The following PCDHGB1 variants were observed in gnomAD, a reference collection of about 807,000 sequenced individuals.
PCDHGB1 encodes protocadherin gamma-B1.
PCDHGB1 carries 34 observed loss-of-function variants against 56.6 expected under a neutral mutation model. That is an observed-to-expected ratio of 0.60 (90% CI 0.46 to 0.80). PCDHGB1 has a LOEUF of 0.80. PCDHGB1 is among the 30% of genes least tolerant of loss of function. The probability of loss-of-function intolerance (pLI) is 0.00; values close to 1 mark genes in which losing one functional copy is unlikely to be tolerated. For missense variants in PCDHGB1, 1,278 were observed against 1,204.6 expected (o/e 1.06, Z -0.90); for synonymous variants, 561 against 505.9 (o/e 1.11, Z -1.46).
At chr5:141,363,656 A>C (rs1763020293) in intron 1 of PCDHGB1, among the ~76,000 whole-genome samples, 1 of 152,232 alleles carries the variant, frequency 6.6e-6, no homozygotes, top group African/African-American at 2.4e-5. Context: ...AAAGATCTTT[A>C]TTTCTTCTGC....
intron 1 of PCDHGB1, chr5:141,385,537 T>A (rs1486400401): frequency 1.5e-6 from 2 of 1,341,418 alleles, no homozygotes; most frequent in Non-Finnish European, 1.9e-6. Flanking sequence ...ATTATGAATA[T>A]GTGGACTATC....
chr5:141,408,326 G>A, intron 1 of PCDHGB1: 6 of 1,613,904 alleles, frequency 3.7e-6, no homozygotes, highest in Non-Finnish European at 4.2e-6. Context: ...GGAGGAGCTG[G>A]CCAAGGGCTC....
intron 1 of PCDHGB1, chr5:141,399,759 G>A: frequency 1.2e-6 from 2 of 1,613,348 alleles, no homozygotes; most frequent in Non-Finnish European, 1.7e-6. Flanking sequence ...ACGTGAGCCT[G>A]CGCGTGTTGG....
chr5:141,362,075 G>C (rs533999436), intron 1 of PCDHGB1: 2 of 1,612,964 alleles, frequency 1.2e-6, no homozygotes, highest in African/African-American at 2.7e-5. Flanking sequence ...GTCGCTGTGC[G>C]TGATGGAGGA....
intron 1 of PCDHGB1, chr5:141,393,902 G>C: frequency 6.2e-7 from 1 of 1,613,968 alleles, no homozygotes; most frequent in Non-Finnish European, 8.5e-7. Flanking sequence ...CTCTTCCCGG[G>C]ACAGTAATTG....
At chr5:141,484,054 G>A (rs1192214731) in intron 1 of PCDHGB1, among the ~76,000 whole-genome samples, 4 of 152,044 alleles carry the variant, frequency 2.6e-5, no homozygotes, top group African/African-American at 9.7e-5. Flanking sequence ...AGGTCCCCTG[G>A]GGCTAAGTGA....
chr5:141,365,440 C>T, intron 1 of PCDHGB1: 3 of 1,613,954 alleles, frequency 1.9e-6, no homozygotes, highest in Non-Finnish European at 1.7e-6. Flanking sequence ...CGCTGTTTAG[C>T]GTACATGATG....
At chr5:141,357,565 G>C in intron 1 of PCDHGB1, 1 of 1,614,186 alleles carries the variant, frequency 6.2e-7, no homozygotes, top group East Asian at 2.2e-5. Context: ...TGAGAAAAGC[G>C]AGCCTCTTCT....
chr5:141,454,669 AC>A (rs1292139052), intron 1 of PCDHGB1, among the ~76,000 whole-genome samples: 1 of 151,212 alleles, frequency 6.6e-6, no homozygotes, highest in African/African-American at 2.4e-5. Context: ...GCCTCCCAAA[AC>A]ACTGGGATTA....
chr5:141,483,257 T>G, intron 1 of PCDHGB1, among the ~76,000 whole-genome samples: 1 of 137,924 alleles, frequency 7.3e-6, no homozygotes, highest in East Asian at 1.9e-4. Flanking sequence ...ATCATGAGGT[T>G]TTTTTGTTTT....
intron 1 of PCDHGB1, chr5:141,400,304 G>T: frequency 6.2e-7 from 1 of 1,614,048 alleles, no homozygotes; most frequent in African/African-American, 1.3e-5. Context: ...TTCCAACCTG[G>T]TCTCTGTGTC....
At chr5:141,406,989 T>C (rs1402069577) in intron 1 of PCDHGB1, among the ~76,000 whole-genome samples, 2 of 152,236 alleles carry the variant, frequency 1.3e-5, no homozygotes, top group Non-Finnish European at 2.9e-5. Context: ...TCACAAGACA[T>C]TTGAAAATAA....
intron 1 of PCDHGB1, chr5:141,376,323 G>C: frequency 2.5e-6 from 4 of 1,614,162 alleles, no homozygotes; most frequent in Non-Finnish European, 3.4e-6. Flanking sequence ...GAAGGGGTTC[G>C]GGCTTTCCTG....
chr5:141,379,889 CTTTTTTTTTTTTTTTT>C (rs70988800), intron 1 of PCDHGB1, among the ~76,000 whole-genome samples: 915 of 50,904 alleles, frequency 0.018, 31 homozygotes, highest in African/African-American at 0.056. Context: ...GTGAAAGCCT[CTTTTTTTTTTTTTTTT>C]TTTTTTTTTT....
At chr5:141,426,810 C>T (rs769435523) in intron 1 of PCDHGB1, 4 of 456,568 alleles carry the variant, frequency 8.8e-6, no homozygotes, top group Non-Finnish European at 1.8e-5. Flanking sequence ...TTCTAATGAA[C>T]ATTTCTCTCT....
intron 1 of PCDHGB1, among the ~76,000 whole-genome samples, chr5:141,450,561 A>G (rs1381887193): frequency 6.6e-6 from 1 of 151,856 alleles, no homozygotes; most frequent in Admixed American, 6.6e-5. Flanking sequence ...GTCTCGGCTC[A>G]CTGCAACTTC....
intron 1 of PCDHGB1, chr5:141,423,606 GAT>G: frequency 6.2e-7 from 1 of 1,612,164 alleles, no homozygotes; most frequent in African/African-American, 1.3e-5. Flanking sequence ...AGCCACTCTT[GAT>G]AGCTGAAGAC....
chr5:141,409,522 G>A (rs371017853), intron 1 of PCDHGB1: 30 of 1,613,874 alleles, frequency 1.9e-5, no homozygotes, highest in Non-Finnish European at 2.3e-5. Flanking sequence ...GCATCACCTT[G>A]TATGTCGCTG....
Position 141,432,058 on chromosome 5 carries a change from C to T in PCDHGB1, c.2410-62749C>T, listed in dbSNP as rs2097444209. On this transcript the variant is annotated intron_variant, in intron 1 of 3. Coordinates refer to ENST00000523390, the MANE Select transcript of PCDHGB1 (RefSeq NM_018922.3). The surrounding 1 kb of genome is among the most constrained non-coding windows in gnomAD (Gnocchi z 6.0). ...CTGACCGGGGAACCCCGCCCCTATC[C>T]ACGGAAACTCATATCTCGCTGAACG... 1 of 1,614,210 alleles carries T rather than the reference C, an allele frequency of 6.2e-7. No individual in the cohort carries two copies.
Sources: gnomAD v4.1 joint callset for allele counts (sites outside exome capture counted in the v4.1 genomes callset) on GRCh38, gnomAD v4.1.1 for gene constraint, Gnocchi (gnomAD v3.1) non-coding constraint, MANE v1.5 for transcripts, NCBI Gene and HGNC (gene_info 2026-07-23, HGNC 2026-07-21) for gene names.